Variants in NUP214 observed in about 807,000 individuals in gnomAD.
The protein encoded by NUP214 is nucleoporin 214, also known as nuclear pore complex protein Nup214.
NUP214 carries 79 observed loss-of-function variants against 196.2 expected under a neutral mutation model. The ratio of observed to expected loss-of-function variants is 0.40; its 90% confidence interval spans 0.34 to 0.49. The LOEUF (loss-of-function observed/expected upper bound fraction) is 0.49, where lower values mean the gene tolerates loss of function less well. Among genes scored for constraint, NUP214 ranks in the 20% least tolerant of loss-of-function variants. The probability of loss-of-function intolerance (pLI) is 0.58; values close to 1 mark genes in which losing one functional copy is unlikely to be tolerated. For missense variants in NUP214, 2,468 were observed against 2,539.0 expected, an observed-to-expected ratio of 0.97 and a Z score of 0.60; for synonymous variants, 1,020 against 990.5, an observed-to-expected ratio of 1.03 and a Z score of -0.56.
At chr9:131,223,727 ATTTTTT>A (rs529624907) in intron 32 of NUP214, among the ~76,000 whole-genome samples, 4 of 15,642 alleles carry the variant, frequency 2.6e-4, no homozygotes, top group African/African-American at 4.5e-4. Flanking sequence ...TTATTTATTT[ATTTTTT>A]TTTTTTTTTT....
chr9:131,204,493 A>AAGC (rs1211701397), intron 30 of NUP214, among the ~76,000 whole-genome samples: 5 of 152,118 alleles, frequency 3.3e-5, no homozygotes, highest in Non-Finnish European at 2.9e-5. Flanking sequence ...TGTAGTGCAG[A>AAGC]AGCAGCCGTA....
intron 18 of NUP214, among the ~76,000 whole-genome samples, chr9:131,160,178 A>G (rs1014371693): frequency 6.6e-6 from 1 of 152,162 alleles, no homozygotes; most frequent in Non-Finnish European, 1.5e-5. Flanking sequence ...GTATGAATAT[A>G]TAACTATTTC....
chr9:131,159,078 T>G (rs1192697875), intron 17 of NUP214: 1 of 232,412 alleles, frequency 4.3e-6, no homozygotes, highest in Non-Finnish European at 8.2e-6. Context: ...ATGTAACTTT[T>G]TTATTTGTAT....
intron 13 of NUP214, among the ~76,000 whole-genome samples, chr9:131,147,082 G>A (rs914001261): frequency 1.3e-5 from 2 of 152,130 alleles, no homozygotes; most frequent in East Asian, 1.9e-4. Context: ...TACCTCCTGG[G>A]CTCAAGCGAT....
At chr9:131,190,899 C>G (rs534191579) in intron 26 of NUP214, 1 of 153,538 alleles carries the variant, frequency 6.5e-6, no homozygotes, top group Non-Finnish European at 1.4e-5. Flanking sequence ...TGATACAGAT[C>G]CACCTTACTC....
intron 17 of NUP214, among the ~76,000 whole-genome samples, chr9:131,153,766 G>T (rs1292709629): frequency 6.6e-6 from 1 of 152,228 alleles, no homozygotes; most frequent in African/African-American, 2.4e-5. Context: ...TTGAAACCTT[G>T]AACCTGGGCA....
chr9:131,157,909 G>A (rs139465184), intron 17 of NUP214, among the ~76,000 whole-genome samples: 5,713 of 152,212 alleles, frequency 0.038, 122 homozygotes, highest in African/African-American at 0.067. Context: ...GCCTCCCAAA[G>A]TACTGGGATT....
intron 30 of NUP214, among the ~76,000 whole-genome samples, chr9:131,214,563 A>G (rs546169270): frequency 1.8e-4 from 28 of 152,352 alleles, no homozygotes; most frequent in Non-Finnish European, 3.2e-4. Flanking sequence ...TTTAAGAACC[A>G]GCTTCCAGAG....
At chr9:131,226,351 G>T (rs2131102184) in intron 32 of NUP214, among the ~76,000 whole-genome samples, 1 of 152,148 alleles carries the variant, frequency 6.6e-6, no homozygotes, top group African/African-American at 2.4e-5. Context: ...GCCTCTTTAA[G>T]CCAGAGTGAC....
rs112182209 is a variant in NUP214, at chr9:131,154,356, A to G, written c.2436+2462A>G. Among the ~76,000 whole-genome samples, 15 of 152,212 alleles carry G rather than the reference A, an allele frequency of 9.9e-5. 1 individual carries two copies. Among genetic ancestry groups the G allele is most frequent in the African/African-American group, 3.6e-4 (15 of 41,516 alleles). ...CAGTGTACACTGTACCCCAATGTGT[A>G]GTATTTTAGCCCTTACCGCCCTCTC... On this transcript the variant is annotated intron_variant, in intron 17 of 35. Transcript: ENST00000359428.
At chr9:131,177,165 CATT>C (rs1357687527) in intron 23 of NUP214, among the ~76,000 whole-genome samples, 8 of 151,922 alleles carry the variant, frequency 5.3e-5, no homozygotes, top group African/African-American at 1.9e-4. Flanking sequence ...AAAGAACTAA[CATT>C]AAACAGTGAT....
Position 131,189,148 on chromosome 9 carries a change from G to A in NUP214, c.3574+17G>A, listed in dbSNP as rs545036786. On this transcript the variant is annotated intron_variant, in intron 26 of 35. Coordinates refer to ENST00000359428, the MANE Select transcript of NUP214 (RefSeq NM_005085.4). ...AAGCTTCAGGTCAGTTTGCATTTTT[G>A]TTTTCTTGAAAAGTGAAAGAAGCAC... The A allele has an allele frequency of 1.2e-6, 2 of 1,609,762 alleles. No homozygotes were observed. Among genetic ancestry groups the A allele is most frequent in the South Asian group, 2.2e-5 (2 of 90,994 alleles).
At chr9:131,156,036 G>A (rs1209574631) in intron 17 of NUP214, among the ~76,000 whole-genome samples, 1 of 151,774 alleles carries the variant, frequency 6.6e-6, no homozygotes, top group Admixed American at 6.6e-5. Context: ...GTATTTTGAT[G>A]AGAATTGCAT....
chr9:131,217,172 T>G (rs930222242), intron 31 of NUP214, among the ~76,000 whole-genome samples: 2 of 152,138 alleles, frequency 1.3e-5, no homozygotes, highest in African/African-American at 4.8e-5. Flanking sequence ...ACACAGCAAG[T>G]CCCCATCTCA....
intron 24 of NUP214, among the ~76,000 whole-genome samples, chr9:131,181,814 T>C (rs1833288519): frequency 6.6e-6 from 1 of 152,236 alleles, no homozygotes; most frequent in Non-Finnish European, 1.5e-5. Flanking sequence ...GACACGAAAA[T>C]TTAGTCCAGT....
rs1439174394 is a variant in NUP214, at chr9:131,163,960, T to C, written c.2809+5T>C. On this transcript the variant is annotated splice_donor_5th_base_variant and intron_variant, in intron 20 of 35. Transcript: ENST00000359428. The stretch of plus-strand genomic sequence containing the variant: ...AATCCTTGCCCAAAGTACCAGGTAA[T>C]TGCATCCTTCCCAGTCTTTTAACTC... 2 of 1,613,896 alleles carry C rather than the reference T, an allele frequency of 1.2e-6. No individual in the cohort carries two copies. Among genetic ancestry groups the C allele is most frequent in the South Asian group, 2.2e-5 (2 of 91,076 alleles).
At chr9:131,158,590 A>G (rs991522897) in intron 17 of NUP214, among the ~76,000 whole-genome samples, 7 of 152,218 alleles carry the variant, frequency 4.6e-5, no homozygotes, top group African/African-American at 1.2e-4. Context: ...TATATGTTCT[A>G]TGCTGTGAAT....
rs1312661050 is a variant in NUP214 at position 131,232,367 on chromosome 9, T to C, written c.6239+59T>C. Reference sequence around the variant, plus strand: ...TAAAAGCATTAAATAAGGTTGGAAGTGTGTGGATCTTGCTGGATTTGTGCA... The same window carrying C: ...TAAAAGCATTAAATAAGGTTGGAAGCGTGTGGATCTTGCTGGATTTGTGCA... On this transcript the variant is annotated intron_variant, in intron 35 of 35. Transcript: ENST00000359428. This position sits in a 1 kb window ranked among gnomAD's most constrained non-coding sequence, Gnocchi z 5.1. 3 of 1,507,034 alleles carry C rather than the reference T, an allele frequency of 2.0e-6. No homozygotes were observed. Among genetic ancestry groups the C allele is most frequent in the Admixed American group, 3.3e-5 (2 of 59,894 alleles). The allele number at this position is 1,507,034 out of a possible 1,614,324, so 93.4% of individuals were successfully genotyped here.
chr9:131,144,262 C>T lies in NUP214; in HGVS notation c.1295-18C>T, dbSNP rs750349125. The T allele has an allele frequency of 2.5e-6, 4 of 1,588,704 alleles. No homozygotes were observed. The highest frequency in any genetic ancestry group is 1.1e-5 in the South Asian group (1 of 90,004). ...TGTTACAGTGTTAACATTTTCCTTC[C>T]TTTTTTTGTCACTGCAGGAAGTACT... On this transcript the variant is annotated intron_variant, in intron 11 of 35. Transcript: ENST00000359428.
Sources: allele counts gnomAD v4.1 joint callset (sites outside exome capture counted in the v4.1 genomes callset), GRCh38; gene constraint gnomAD v4.1.1; non-coding constraint Gnocchi (gnomAD v3.1); transcripts MANE v1.5; gene names NCBI Gene and HGNC (gene_info 2026-07-23, HGNC 2026-07-21).